Variants in ABCD3 observed in about 807,000 individuals in gnomAD.
The protein encoded by ABCD3 is ATP-binding cassette sub-family D member 3.
Under a neutral mutation model 105.5 loss-of-function variants are expected in ABCD3, and 41 were observed. That is an observed-to-expected ratio of 0.39 (90% CI 0.30 to 0.50). ABCD3 has a LOEUF of 0.50. Among genes scored for constraint, ABCD3 ranks in the 20% least tolerant of loss-of-function variants. ABCD3 has a pLI of 0.84. For synonymous variants in ABCD3, 258 were observed against 269.0 expected (o/e 0.96, Z 0.40); for missense variants, 622 against 806.3 (o/e 0.77, Z 2.77).
rs371002931 is a variant in ABCD3 at position 94,498,940 on chromosome 1, G to A, written c.1531-5G>A. On this transcript the variant is annotated splice_region_variant and splice_polypyrimidine_tract_variant and intron_variant, in intron 18 of 22. Coordinates refer to ENST00000370214, the MANE Select transcript of ABCD3 (RefSeq NM_002858.4). ...TCTAATTGACTTTTGCTCTACTACTGTCAGAGACCTTACATGACCCTTGGA... is the reference window on the plus strand; with the variant it reads ...TCTAATTGACTTTTGCTCTACTACTATCAGAGACCTTACATGACCCTTGGA... 378 of 1,613,038 alleles carry A rather than the reference G, an allele frequency of 2.3e-4. No homozygotes were observed. Among genetic ancestry groups the A allele is most frequent in the Non-Finnish European group, 2.9e-4 (337 of 1,179,522 alleles).
the ABCD3 span, among the ~76,000 whole-genome samples, chr1:94,404,762 T>C: frequency 6.6e-6 from 1 of 151,876 alleles, no homozygotes; most frequent in Non-Finnish European, 1.5e-5. Context: ...TTCTTTCATA[T>C]GTTAAAGTTA....
At chr1:94,387,885 C>T in the ABCD3 span, among the ~76,000 whole-genome samples, 1 of 152,220 alleles carries the variant, frequency 6.6e-6, no homozygotes, top group East Asian at 1.9e-4. Context: ...ATTCCTTGTA[C>T]TAAATCTCTT....
At chr1:94,408,191 G>T in the ABCD3 span, among the ~76,000 whole-genome samples, 2 of 152,206 alleles carry the variant, frequency 1.3e-5, no homozygotes, top group African/African-American at 4.8e-5. Flanking sequence ...TGACTTGAGG[G>T]TAGAGAAAGA....
intron 1 of ABCD3, among the ~76,000 whole-genome samples, chr1:94,446,149 AT>A (rs1347674960): frequency 7.9e-5 from 12 of 152,266 alleles, no homozygotes. Flanking sequence ...CATTGGGCTA[AT>A]TGGTGTCACT....
chr1:94,442,681 A>G (rs1323647959), intron 1 of ABCD3, among the ~76,000 whole-genome samples: 1 of 152,158 alleles, frequency 6.6e-6, no homozygotes, highest in Non-Finnish European at 1.5e-5. Context: ...GTCTATGTGT[A>G]CACATCGTTA....
chr1:94,468,940 T>C lies in ABCD3; in HGVS notation c.335+933T>C, dbSNP rs1648302950. Among the ~76,000 whole-genome samples, 2 of 152,186 alleles carry C rather than the reference T, an allele frequency of 1.3e-5. 1 individual carries two copies. Among genetic ancestry groups the C allele is most frequent in the South Asian group, 4.1e-4 (2 of 4,826 alleles). ...TACTTCTGAATATGGGTAAATTATG[T>C]AGGCCCTCACATTCCACCCAAGTCT... On this transcript the variant is annotated intron_variant, in intron 4 of 22. Coordinates refer to ENST00000370214, the MANE Select transcript of ABCD3 (RefSeq NM_002858.4).
intron 1 of ABCD3, among the ~76,000 whole-genome samples, chr1:94,438,282 TCACACACACACACA>T (rs143373197): frequency 0.016 from 1,880 of 116,608 alleles, 45 homozygotes; most frequent in African/African-American, 0.058. Flanking sequence ...CAAGACTCCA[TCACACACACACACA>T]CACATACACA....
chr1:94,410,167 T>A, the ABCD3 span, among the ~76,000 whole-genome samples: 5 of 152,276 alleles, frequency 3.3e-5, no homozygotes, highest in African/African-American at 1.2e-4. Context: ...AATATAAATA[T>A]AAAACTAATG....
rs1650976332 is a variant in ABCD3, at chr1:94,517,532, C to A, written c.*403C>A. The A allele has an allele frequency of 4.6e-6, 1 of 216,822 alleles. No homozygotes were observed. The highest frequency in any genetic ancestry group is 6.7e-5 in the South Asian group (1 of 14,998). 13.4% of individuals were successfully genotyped at this position (216,822 alleles called of 1,614,324 possible). ...AAACTGGGTCATCATTTGTCCTGTT[C>A]TAGCAAGATAGTCTTCAGTTTCATT... is the stretch of plus-strand genomic sequence containing the variant. On this transcript the variant is annotated 3_prime_UTR_variant, in exon 23 of 23. Coordinates refer to ENST00000370214, the MANE Select transcript of ABCD3 (RefSeq NM_002858.4).
intron 1 of ABCD3, among the ~76,000 whole-genome samples, chr1:94,449,055 A>G (rs1011706766): frequency 6.6e-6 from 1 of 152,238 alleles, no homozygotes; most frequent in Non-Finnish European, 1.5e-5. Context: ...GAGATCTGAT[A>G]ACAAAAAGTT....
At chr1:94,400,189 C>A in the ABCD3 span, among the ~76,000 whole-genome samples, 3 of 152,210 alleles carry the variant, frequency 2.0e-5, no homozygotes, top group Admixed American at 1.3e-4. Context: ...GGGCAGATCA[C>A]CTGAGGGTAG....
chr1:94,405,303 T>C, the ABCD3 span, among the ~76,000 whole-genome samples: 6 of 135,832 alleles, frequency 4.4e-5, no homozygotes, highest in African/African-American at 1.6e-4. Flanking sequence ...ATAGTAACAT[T>C]ATCAAGCTTT....
intron 4 of ABCD3, among the ~76,000 whole-genome samples, chr1:94,472,801 C>T (rs77027811): frequency 2.8e-3 from 426 of 152,096 alleles, no homozygotes; most frequent in African/African-American, 9.9e-3. Flanking sequence ...CCACTTAGTC[C>T]AGTGTTTAAA....
intron 16 of ABCD3, among the ~76,000 whole-genome samples, chr1:94,496,537 A>G (rs1317308579): frequency 6.6e-6 from 1 of 151,206 alleles, no homozygotes; most frequent in Non-Finnish European, 1.5e-5. Flanking sequence ...CCTTTTGGCT[A>G]TTGTGAACAA....
intron 8 of ABCD3, chr1:94,478,621 T>A: frequency 8.8e-7 from 1 of 1,131,304 alleles, no homozygotes; most frequent in Admixed American, 2.3e-5. Flanking sequence ...GAGGCTGAGA[T>A]GGGAGGATCG....
Position 94,517,228 on chromosome 1 carries a change from T to TAA in ABCD3, c.*109_*110dup, listed in dbSNP as rs4148063. 1.2e-4 allele frequency: 91 copies of TAA among 780,540 alleles called. No individual in the cohort carries two copies. Among genetic ancestry groups the TAA allele is most frequent in the Non-Finnish European group, 1.6e-4 (76 of 484,166 alleles). 48.4% of individuals were successfully genotyped at this position (780,540 alleles called of 1,614,324 possible). Reference sequence around the variant, plus strand: ...AAATAAAGTTGAGCTTAGTTTTTTTTAAAAAAAAAAACAAAGCAACAAATT... The same window carrying TAA: ...AAATAAAGTTGAGCTTAGTTTTTTTTAAAAAAAAAAAAACAAAGCAACAAATT... On this transcript the variant is annotated 3_prime_UTR_variant, in exon 23 of 23. Transcript: ENST00000370214.
rs781535585 is a variant in ABCD3 at position 94,490,009 on chromosome 1, A to G, written c.1322+34A>G. On this transcript the variant is annotated intron_variant, in intron 15 of 22. Transcript: ENST00000370214. Reference sequence around the variant, plus strand: ...AGAAAAAGGTCTTTTAGCACCATAAATGTTTGTTAAACTTCATAGTAGTCT... The same window carrying G: ...AGAAAAAGGTCTTTTAGCACCATAAGTGTTTGTTAAACTTCATAGTAGTCT... The G allele has an allele frequency of 3.2e-6, 5 of 1,562,844 alleles. No homozygotes were observed. The African/African-American group carries it at 4.1e-5, about 13-fold the overall frequency.
intron 1 of ABCD3, among the ~76,000 whole-genome samples, chr1:94,444,331 CAAA>C (rs35583952): frequency 2.8e-4 from 26 of 93,390 alleles, no homozygotes; most frequent in African/African-American, 1.2e-3. Flanking sequence ...GACTCCATCT[CAAA>C]AAAAAAAAAA....
the ABCD3 span, among the ~76,000 whole-genome samples, chr1:94,402,001 A>G: frequency 6.6e-6 from 1 of 152,194 alleles, no homozygotes. Flanking sequence ...ACTTTCTTTT[A>G]TCATACATTG....
Sources: allele counts gnomAD v4.1 joint callset (sites outside exome capture counted in the v4.1 genomes callset), GRCh38; gene constraint gnomAD v4.1.1; transcripts MANE v1.5; gene names NCBI Gene and HGNC (gene_info 2026-07-23, HGNC 2026-07-21).